PPP2R2B: variants seen among roughly 807,000 people sequenced by gnomAD.
The protein encoded by PPP2R2B is protein phosphatase 2 regulatory subunit Bbeta, also known as serine/threonine-protein phosphatase 2A 55 kDa regulatory subunit B beta isoform.
PPP2R2B carries 5 observed loss-of-function variants against 46.0 expected under a neutral mutation model. The observed-to-expected ratio is 0.11, with a 90% confidence interval of 0.06 to 0.23. The LOEUF is 0.23. Ranked by LOEUF, PPP2R2B falls within the 10% of genes least tolerant of loss-of-function variation. The pLI is 1.00. For synonymous variants in PPP2R2B, 215 were observed against 206.7 expected (o/e 1.04, Z -0.34); for missense variants, 367 against 575.0 (o/e 0.64, Z 3.70).
intron 5 of PPP2R2B, among the ~76,000 whole-genome samples, chr5:146,660,638 A>G (rs1228653332): frequency 2.0e-5 from 3 of 152,074 alleles, no homozygotes; most frequent in Non-Finnish European, 2.9e-5. Flanking sequence ...AAATAATATA[A>G]TTTTGAGATT....
Position 146,947,987 on chromosome 5 carries a change from T to G in PPP2R2B, c.79+107678A>C, listed in dbSNP as rs143041692. 6.8e-3 allele frequency among the ~76,000 whole-genome samples: 1,031 copies of G among 151,964 alleles called. 3 individuals are homozygous for G. The highest frequency in any genetic ancestry group is 0.012 in the Non-Finnish European group (795 of 67,958). On this transcript the variant is annotated intron_variant, in intron 1 of 8. Coordinates refer to the PPP2R2B transcript ENST00000336640. ...TAGCATAAGCAAAGGCATGCACTCA[T>G]GAGACCACAGGGTTGTGTGGCTAAG... is the stretch of plus-strand genomic sequence containing the variant.
chr5:146,936,731 T>C (rs1764155971), intron 1 of PPP2R2B, among the ~76,000 whole-genome samples: 1 of 152,098 alleles, frequency 6.6e-6, no homozygotes, highest in African/African-American at 2.4e-5. Context: ...GGTTTTTCTA[T>C]GTTAATACTC....
chr5:146,876,094 A>C (rs989222915), intron 2 of PPP2R2B, among the ~76,000 whole-genome samples: 4 of 152,152 alleles, frequency 2.6e-5, no homozygotes, highest in African/African-American at 4.8e-5. Flanking sequence ...TGTGATTAGT[A>C]TGTGTGTGTG....
At position 146,582,082 on chromosome 5, in the gene PPP2R2B, C is replaced by A. The variant is rs1471881007; in HGVS notation, c.*7865G>T. The A allele has an allele frequency of 2.0e-5, 3 of 152,232 alleles. No individual in the cohort carries two copies. Among genetic ancestry groups the A allele is most frequent in the Admixed American group, 6.5e-5 (1 of 15,288 alleles). The allele number at this position is 152,232 out of a possible 1,614,324, so 9.4% of individuals were successfully genotyped here. Reference sequence around the variant, plus strand: ...AGCTTCCCCTGCAATATTGTGGACACCCAGGCAAATGAAAATGCCAATCTT... The same window carrying A: ...AGCTTCCCCTGCAATATTGTGGACAACCAGGCAAATGAAAATGCCAATCTT... On this transcript the variant is annotated 3_prime_UTR_variant, in exon 10 of 10. Coordinates refer to ENST00000394411, the MANE Select transcript of PPP2R2B (RefSeq NM_181675.4).
At chr5:146,740,913 T>C (rs1454910267) in intron 2 of PPP2R2B, among the ~76,000 whole-genome samples, 2 of 152,058 alleles carry the variant, frequency 1.3e-5, no homozygotes, top group Non-Finnish European at 2.9e-5. Context: ...AAAATGCAGA[T>C]TCCATCCCAG....
chr5:146,643,813 A>C (rs1775388655), intron 6 of PPP2R2B, among the ~76,000 whole-genome samples: 2 of 152,252 alleles, frequency 1.3e-5, no homozygotes, highest in African/African-American at 4.8e-5. Flanking sequence ...ATAGTCTGTG[A>C]ATATGCCTGA....
At chr5:146,967,509 T>A (rs1384112899) in intron 1 of PPP2R2B, among the ~76,000 whole-genome samples, 1 of 152,186 alleles carries the variant, frequency 6.6e-6, no homozygotes, top group African/African-American at 2.4e-5. Flanking sequence ...GTTACCTGGA[T>A]TCTAAACCAG....
intron 1 of PPP2R2B, among the ~76,000 whole-genome samples, chr5:146,967,558 G>T (rs544030745): frequency 1.3e-5 from 2 of 152,196 alleles, no homozygotes; most frequent in South Asian, 2.1e-4. Flanking sequence ...TTCCTTCCAG[G>T]ATACACTCCT....
intron 1 of PPP2R2B, among the ~76,000 whole-genome samples, chr5:147,012,706 T>C (rs1754800928): frequency 6.6e-6 from 1 of 151,784 alleles, no homozygotes; most frequent in Non-Finnish European, 1.5e-5. Context: ...TGCTTTCTCT[T>C]GTGGGCATTT....
At chr5:146,862,825 G>A (rs1670142116) in intron 2 of PPP2R2B, among the ~76,000 whole-genome samples, 2 of 142,952 alleles carry the variant, frequency 1.4e-5, no homozygotes, top group African/African-American at 5.2e-5. Flanking sequence ...ATTCATATGA[G>A]TGACTCAAAG....
chr5:146,967,436 A>C (rs1752472840), intron 1 of PPP2R2B, among the ~76,000 whole-genome samples: 2 of 152,254 alleles, frequency 1.3e-5, no homozygotes, highest in Non-Finnish European at 2.9e-5. Flanking sequence ...GGTTCCATTG[A>C]TATTATTCCT....
chr5:146,714,448 C>T (rs577346731), intron 2 of PPP2R2B, among the ~76,000 whole-genome samples: 1 of 152,112 alleles, frequency 6.6e-6, no homozygotes, highest in African/African-American at 2.4e-5. Context: ...AGAGTACTTT[C>T]ACAGTGTCAT....
chr5:146,640,286 GATGCAAAT>G (rs965110039), intron 6 of PPP2R2B, among the ~76,000 whole-genome samples: 4 of 152,342 alleles, frequency 2.6e-5, no homozygotes, highest in Admixed American at 2.6e-4. Flanking sequence ...ACCAAACCCA[GATGCAAAT>G]ATTACTTGGG....
At chr5:146,599,739 G>A (rs1399139666) in intron 8 of PPP2R2B, among the ~76,000 whole-genome samples, 1 of 152,100 alleles carries the variant, frequency 6.6e-6, no homozygotes, top group Non-Finnish European at 1.5e-5. Context: ...ATGGTGGTTT[G>A]CTGCACCCAT....
chr5:146,644,216 C>T (rs1285784329), intron 6 of PPP2R2B, among the ~76,000 whole-genome samples: 1 of 109,004 alleles, frequency 9.2e-6, no homozygotes, highest in African/African-American at 3.6e-5. Context: ...ACCTGAACTT[C>T]TTCCCTTAGG....
chr5:146,869,608 T>C (rs1209094288), intron 2 of PPP2R2B, among the ~76,000 whole-genome samples: 1 of 152,204 alleles, frequency 6.6e-6, no homozygotes, highest in Non-Finnish European at 1.5e-5. Flanking sequence ...TTTAAATGTA[T>C]GAATAGAAAG....
intron 7 of PPP2R2B, among the ~76,000 whole-genome samples, chr5:146,635,027 A>G (rs1000023440): frequency 6.6e-6 from 1 of 152,190 alleles, no homozygotes; most frequent in Non-Finnish European, 1.5e-5. Flanking sequence ...ATCCAGGGTG[A>G]ATAATTGTGA....
intron 1 of PPP2R2B, among the ~76,000 whole-genome samples, chr5:146,973,751 T>TAA (rs199801178): frequency 0.012 from 1,797 of 152,322 alleles, 52 homozygotes; most frequent in Admixed American, 0.057. Flanking sequence ...CTTATATTTT[T>TAA]AAAACATCTT....
At chr5:146,709,377 C>T (rs558364452) in intron 2 of PPP2R2B, among the ~76,000 whole-genome samples, 36 of 152,254 alleles carry the variant, frequency 2.4e-4, no homozygotes, top group African/African-American at 7.0e-4. Flanking sequence ...TTGGCTACTC[C>T]TACTCAGAAT....
Sources: allele counts gnomAD v4.1 joint callset (sites outside exome capture counted in the v4.1 genomes callset), GRCh38; gene constraint gnomAD v4.1.1; transcripts MANE v1.5; gene names NCBI Gene and HGNC (gene_info 2026-07-23, HGNC 2026-07-21).